The following HJURP variants were observed in gnomAD, a reference collection of about 807,000 sequenced individuals.
HJURP encodes Holliday junction recognition protein, also known as 14-3-3-associated AKT substrate.
Under a neutral mutation model 72.0 loss-of-function variants are expected in HJURP, and 49 were observed. The ratio of observed to expected loss-of-function variants is 0.68; its 90% confidence interval spans 0.54 to 0.86. The LOEUF is 0.86. Among genes scored for constraint, HJURP ranks in the 40% least tolerant of loss-of-function variants. The probability of loss-of-function intolerance (pLI) is 0.00; values close to 1 mark genes in which losing one functional copy is unlikely to be tolerated. For missense variants in HJURP, 908 were observed against 936.3 expected (o/e 0.97, Z 0.39); for synonymous variants, 357 against 347.1 (o/e 1.03, Z -0.32).
At position 233,841,096 on chromosome 2, in the gene HJURP, G is replaced by A; in HGVS notation, c.1684C>T (p.Leu562Phe). 2.5e-6 allele frequency: 4 copies of A among 1,614,192 alleles called. No individual in the cohort carries two copies. The highest frequency in any genetic ancestry group is 3.4e-6 in the Non-Finnish European group (4 of 1,180,034). ...GGCACTTCTTTATCTGGGACTGAAA[G>A]AGTTTTGCTGGGTGACACTGACTTT... ...FRKSVSPSKTLSVPDKEVPGH... is the reference protein window; with the variant it reads ...FRKSVSPSKTFSVPDKEVPGH... Residue 562 changes from leucine to phenylalanine, a missense_variant, in exon 8 of 9, where the codon CTT becomes TTT. Physicochemically the swap from Leu to Phe is conservative, Grantham distance 22. Coordinates refer to ENST00000411486, the MANE Select transcript of HJURP (RefSeq NM_018410.5).
rs1705202575 is a variant in HJURP, at chr2:233,840,750, T to C, written c.2030A>G (p.Gln677Arg). 2 of 1,613,906 alleles carry C rather than the reference T, an allele frequency of 1.2e-6. No homozygotes were observed. The highest frequency in any genetic ancestry group is 3.3e-5 in the Admixed American group (2 of 59,986). ...TAGCCTGGGTCTTTTTGCAGGGAACTGATGGTCCCTCGTGCCATCCCTCGT... is the reference window on the plus strand; with the variant it reads ...TAGCCTGGGTCTTTTTGCAGGGAACCGATGGTCCCTCGTGCCATCCCTCGT... ...AITRDGTRDH[Q>R]FPAKRPRLSE... Residue 677 changes from glutamine (Q) to arginine (R), a missense_variant, in exon 8 of 9, where the codon CAG (glutamine) becomes CGG (arginine). This residue lies in a region of HJURP where 598 missense variants were observed against 619.5 expected (regional missense o/e 0.97). Transcript: ENST00000411486.
At chr2:233,848,183 A>G (rs978777108) in intron 4 of HJURP, among the ~76,000 whole-genome samples, 6 of 152,166 alleles carry the variant, frequency 3.9e-5, no homozygotes, top group African/African-American at 9.7e-5. Context: ...AGAGGGGGAC[A>G]GAGGCTGCGG....
chr2:233,839,514 G>A (rs1346653964), intron 8 of HJURP, among the ~76,000 whole-genome samples: 1 of 152,242 alleles, frequency 6.6e-6, no homozygotes, highest in African/African-American at 2.4e-5. Flanking sequence ...GGCCCCAGGG[G>A]GCTCAAGCCA....
intron 8 of HJURP, 110 bp from the exon 9 acceptor site, chr2:233,837,762 A>G: frequency 1.4e-6 from 1 of 705,402 alleles, no homozygotes; most frequent in Non-Finnish European, 2.4e-6. Context: ...ATGTATAAAA[A>G]TACTTATAGA....
At chr2:233,849,368 T>C (rs1034358691) in intron 4 of HJURP, among the ~76,000 whole-genome samples, 3 of 151,694 alleles carry the variant, frequency 2.0e-5, no homozygotes, top group African/African-American at 7.3e-5. Context: ...AGGATGGGGG[T>C]GGGCAGTGAG....
chr2:233,842,055 C>A lies in HJURP; in HGVS notation c.725G>T (p.Ser242Ile), dbSNP rs1705247254. 1 of 1,614,064 alleles carries A rather than the reference C, an allele frequency of 6.2e-7. No homozygotes were observed. The highest frequency in any genetic ancestry group is 1.1e-5 in the South Asian group (1 of 91,088). Residue 242 changes from serine (S) to isoleucine (I), a missense_variant, in exon 8 of 9, where the codon AGC becomes ATC. Ser to Ile is a moderately radical substitution (Grantham distance 142, BLOSUM62 -2). This residue lies in a region of HJURP where 11 missense variants were observed against 30.1 expected (regional missense o/e 0.37). Transcript: ENST00000411486. ...AAAGGGCTGGCTGCTTAAGAAGCTG[C>A]TGCTACTGGTCTCTTGTAGGGAGAG... ...DSLSLQETSS[S>I]SFLSSQPFED...
intron 4 of HJURP, among the ~76,000 whole-genome samples, chr2:233,848,646 G>A (rs1705427642): frequency 6.6e-6 from 1 of 152,228 alleles, no homozygotes; most frequent in South Asian, 2.1e-4. Flanking sequence ...CTGAGGCGCA[G>A]AGCAGAAGAT....
intron 8 of HJURP, 133 bp from the exon 9 acceptor site, chr2:233,837,785 G>C (rs1019240541): frequency 9.1e-5 from 58 of 638,528 alleles, no homozygotes; most frequent in Middle Eastern, 4.1e-4. Context: ...GTGGCATTAC[G>C]TTAAATAAGT....
At position 233,837,736 on chromosome 2, in the gene HJURP, C is replaced by T. The variant is rs538812639; in HGVS notation, c.2172-84G>A. ...CAGCCACTAAAAGGTTAACTGTTTTCTACTTATTCCATTGCATGTATAAAA... is the reference window on the plus strand; with the variant it reads ...CAGCCACTAAAAGGTTAACTGTTTTTTACTTATTCCATTGCATGTATAAAA... On this transcript the variant is annotated intron_variant, in intron 8 of 8. Transcript: ENST00000411486. 184 of 820,676 alleles carry T rather than the reference C, an allele frequency of 2.2e-4. 1 individual carries two copies. The African/African-American group carries it at 2.9e-3, about 13-fold the overall frequency. The allele number at this position is 820,676 out of a possible 1,614,324, so 50.8% of individuals were successfully genotyped here.
rs1220688067 is a variant in HJURP at position 233,846,377 on chromosome 2, AG to A, written c.403-558del. The stretch of plus-strand genomic sequence containing the variant: ...TGAGGCAGGAGAATCGCTTGAACCC[AG>A]GAAGTAGAGGTTGCAGTGAGCTGAG... On this transcript the variant is annotated intron_variant, in intron 5 of 8. Coordinates refer to ENST00000411486, the MANE Select transcript of HJURP (RefSeq NM_018410.5). The surrounding 1 kb of genome is among the most constrained non-coding windows in gnomAD (Gnocchi z 4.3). Among the ~76,000 whole-genome samples the A allele has an allele frequency of 2.0e-5, 3 of 152,284 alleles. No homozygotes were observed. The East Asian group carries it at 5.8e-4, about 29-fold the overall frequency.
intron 4 of HJURP, 114 bp downstream of exon 4, chr2:233,849,649 C>A (rs568845662): frequency 4.8e-4 from 316 of 664,878 alleles, no homozygotes; most frequent in Non-Finnish European, 6.1e-4. Context: ...TTAAGATATA[C>A]CTTAGAAAAA....
Position 233,841,764 on chromosome 2 carries a change from T to C in HJURP, c.1016A>G (p.Asp339Gly). 1 of 1,614,224 alleles carries C rather than the reference T, an allele frequency of 6.2e-7. No homozygotes were observed. The highest frequency in any genetic ancestry group is 8.5e-7 in the Non-Finnish European group (1 of 1,180,040). Reference protein sequence around the residue: ...EPVKGTGALRDCKNVLDVSCR... With the variant: ...EPVKGTGALRGCKNVLDVSCR... Reference sequence around the variant, plus strand: ...AGAAACATCTAATACGTTCTTGCAATCTCTTAATGCCCCTGTCCCTTTCAC... The same window carrying C: ...AGAAACATCTAATACGTTCTTGCAACCTCTTAATGCCCCTGTCCCTTTCAC... The change falls in exon 8 of 9, where the codon GAT becomes GGT. Residue 339 changes from aspartate to glycine, a missense_variant. By Grantham distance (94) the Asp-to-Gly change is moderately conservative. Around this residue, in one of 3 missense-constraint regions of HJURP, gnomAD observed 598 missense variants for 619.5 expected, o/e 0.97. Coordinates refer to ENST00000411486, the MANE Select transcript of HJURP (RefSeq NM_018410.5).
intron 7 of HJURP, 65 bp downstream of exon 7, chr2:233,844,139 GC>G (rs1276563282): frequency 7.7e-7 from 1 of 1,301,780 alleles, no homozygotes; most frequent in Non-Finnish European, 1.1e-6. Context: ...GCTCTGAGGG[GC>G]CACGCAGCTC....
intron 8 of HJURP, among the ~76,000 whole-genome samples, chr2:233,840,370 T>C (rs1270934020): frequency 6.6e-6 from 1 of 152,254 alleles, no homozygotes. Context: ...AGTGTGAAAC[T>C]TCTGCAAGAG....
chr2:233,841,336 T>G lies in HJURP; in HGVS notation c.1444A>C (p.Thr482Pro). ...ASPGGLQGLE[T>P]RRLSLPSSKA... is the part of the protein sequence containing the mutation. ...CTGGAAGGTAAACTCAGCCTGCGGG[T>G]TTCTAAGCCCTGAAGGCCACCAGGA... Residue 482 changes from threonine to proline, a missense_variant, in exon 8 of 9, where the codon ACC (threonine) becomes CCC (proline). By Grantham distance (38) the Thr-to-Pro change is conservative (BLOSUM62 -1). Transcript: ENST00000411486. The G allele has an allele frequency of 6.2e-7, 1 of 1,613,998 alleles. No individual in the cohort carries two copies. Among genetic ancestry groups the G allele is most frequent in the Non-Finnish European group, 8.5e-7 (1 of 1,180,010 alleles).
At chr2:233,848,628 G>A (rs1250121584) in intron 4 of HJURP, among the ~76,000 whole-genome samples, 1 of 152,196 alleles carries the variant, frequency 6.6e-6, no homozygotes, top group Non-Finnish European at 1.5e-5. Flanking sequence ...AGACGGCAGG[G>A]GCCTGTACTG....
Position 233,853,902 on chromosome 2 carries a change from C to T in HJURP, c.126G>A (p.Gln42=). 1 of 1,614,018 alleles carries T rather than the reference C, an allele frequency of 6.2e-7. No individual in the cohort carries two copies. The highest frequency in any genetic ancestry group is 8.5e-7 in the Non-Finnish European group (1 of 1,179,922). ...RMQRLIEKYN[Q]PFEDTPVVQM... is the part of the protein sequence containing the mutation. The stretch of plus-strand genomic sequence containing the variant: ...GCACCACCGGGGTGTCCTCGAAGGG[C>T]TGGTTGTACTGCGGAGGAGGAAGGG... The change falls in exon 2 of 9, where the codon CAG becomes CAA. Residue 42 remains glutamine (Q), a synonymous_variant. Transcript: ENST00000411486.
chr2:233,844,835 G>A (rs762321529), intron 6 of HJURP, among the ~76,000 whole-genome samples: 23 of 152,204 alleles, frequency 1.5e-4, no homozygotes, highest in Admixed American at 3.3e-4. Context: ...TTTTTCTGGA[G>A]ATGAATTCTT....
intron 4 of HJURP, 114 bp downstream of exon 4, chr2:233,849,649 C>T (rs568845662): frequency 1.5e-6 from 1 of 664,882 alleles, no homozygotes; most frequent in Non-Finnish European, 2.6e-6. Flanking sequence ...TTAAGATATA[C>T]CTTAGAAAAA....
Sources: gnomAD v4.1 joint callset for allele counts (sites outside exome capture counted in the v4.1 genomes callset) on GRCh38, gnomAD v4.1.1 for gene constraint, gnomAD v4.1.1 regional missense constraint, Gnocchi (gnomAD v3.1) non-coding constraint, MANE v1.5 for transcripts, NCBI Gene and HGNC (gene_info 2026-07-23, HGNC 2026-07-21) for gene names.